ARHGAP28: variants seen among roughly 807,000 people sequenced by gnomAD.
ARHGAP28 encodes rho GTPase-activating protein 28.
In ARHGAP28, 56 loss-of-function variants were observed where a neutral mutation model predicts 90.7. The observed-to-expected ratio is 0.62, with a 90% CI of 0.50 to 0.77. The LOEUF is 0.77. Ranked by LOEUF, ARHGAP28 falls within the 30% of genes least tolerant of loss-of-function variation. The pLI is 0.00. For synonymous variants in ARHGAP28, 308 were observed against 323.3 expected, an observed-to-expected ratio of 0.95 and a Z score of 0.51; for missense variants, 869 against 900.9, an observed-to-expected ratio of 0.96 and a Z score of 0.45.
chr18:6,775,732 GA>G (rs973218060), intron 1 of ARHGAP28, among the ~76,000 whole-genome samples: 6 of 152,106 alleles, frequency 3.9e-5, no homozygotes, highest in African/African-American at 1.4e-4. Context: ...ATTATATTTA[GA>G]AATTGTTTCA....
chr18:6,829,980 G>A (rs1214324555), intron 2 of ARHGAP28, among the ~76,000 whole-genome samples: 3 of 152,096 alleles, frequency 2.0e-5, no homozygotes, highest in Non-Finnish European at 4.4e-5. Context: ...GGTGTTGCTG[G>A]CAATCCTTGG....
chr18:6,746,406 G>T (rs2056023960), intron 1 of ARHGAP28, among the ~76,000 whole-genome samples: 1 of 152,178 alleles, frequency 6.6e-6, no homozygotes. Flanking sequence ...AGGGTTGATT[G>T]TGTTCTGATA....
At chr18:6,740,699 T>A (rs1018445675) in intron 1 of ARHGAP28, among the ~76,000 whole-genome samples, 2 of 152,226 alleles carry the variant, frequency 1.3e-5, no homozygotes, top group Non-Finnish European at 2.9e-5. Context: ...TTTAGGAGTG[T>A]CTTCTCATTA....
At chr18:6,745,791 A>G (rs2143215429) in intron 1 of ARHGAP28, among the ~76,000 whole-genome samples, 1 of 152,360 alleles carries the variant, frequency 6.6e-6, no homozygotes, top group East Asian at 1.9e-4. Context: ...TAGAAGCCTG[A>G]AAGTGCCAAT....
intron 1 of ARHGAP28, among the ~76,000 whole-genome samples, chr18:6,810,704 C>G (rs1281901697): frequency 6.6e-6 from 1 of 151,976 alleles, no homozygotes; most frequent in Non-Finnish European, 1.5e-5. Flanking sequence ...GTAGGAAAAG[C>G]TTTGGGGAGA....
Position 6,912,371 on chromosome 18 carries a change from A to G in ARHGAP28, c.*217A>G. 1 of 335,968 alleles carries G rather than the reference A, an allele frequency of 3.0e-6. No homozygotes were observed. The highest frequency in any genetic ancestry group is 5.5e-6 in the Non-Finnish European group (1 of 182,952). 20.8% of individuals were successfully genotyped at this position (335,968 alleles called of 1,614,324 possible). ...CATGACTTTTTTTTTTATAAAAGTA[A>G]AGGAAAGATGATGTGGTCCTTCCAG... On this transcript the variant is annotated 3_prime_UTR_variant, in exon 18 of 18. Transcript: ENST00000383472.
intron 16 of ARHGAP28, among the ~76,000 whole-genome samples, chr18:6,901,014 C>T (rs1359504931): frequency 1.3e-5 from 2 of 152,178 alleles, no homozygotes; most frequent in Admixed American, 6.5e-5. Context: ...AAGGAAAGAA[C>T]TGTCAACTGT....
chr18:6,812,993 C>T (rs1261729676), intron 1 of ARHGAP28, among the ~76,000 whole-genome samples: 1 of 152,158 alleles, frequency 6.6e-6, no homozygotes, highest in African/African-American at 2.4e-5. Context: ...TTTCAGTAAA[C>T]TGGAGAGGGT....
Position 6,914,949 on chromosome 18 carries a change from T to C in ARHGAP28, c.*2795T>C, listed in dbSNP as rs964627537. The C allele has an allele frequency of 6.6e-6, 1 of 152,586 alleles. No individual in the cohort carries two copies. Among genetic ancestry groups the C allele is most frequent in the African/African-American group, 2.4e-5 (1 of 41,428 alleles). 9.5% of individuals were successfully genotyped at this position (152,586 alleles called of 1,614,324 possible). On this transcript the variant is annotated 3_prime_UTR_variant, in exon 18 of 18. Coordinates refer to ENST00000383472, the MANE Select transcript of ARHGAP28 (RefSeq NM_001366230.1). ...AACTATTTACAACGTCTATACAGTA[T>C]AAACTACCTCACTTGCCTTTCTTGG...
chr18:6,882,305 TG>T lies in ARHGAP28; in HGVS notation c.1453+8del. The T allele has an allele frequency of 6.2e-7, 1 of 1,609,182 alleles. No homozygotes were observed. The highest frequency in any genetic ancestry group is 8.5e-7 in the Non-Finnish European group (1 of 1,178,254). Reference sequence around the variant, plus strand: ...CTTCATCAGTCTAATGGAAAGTAGGTGGAAGACGTTATATGTGAATACGCTA... The same window carrying T: ...CTTCATCAGTCTAATGGAAAGTAGGTGAAGACGTTATATGTGAATACGCTA... On this transcript the variant is annotated splice_region_variant and intron_variant, in intron 11 of 17. Transcript: ENST00000383472.
At chr18:6,849,636 C>A (rs751394435) in intron 3 of ARHGAP28, among the ~76,000 whole-genome samples, 1 of 152,160 alleles carries the variant, frequency 6.6e-6, no homozygotes, top group African/African-American at 2.4e-5. Flanking sequence ...GGCCCTAAAT[C>A]GGTTTCCTAC....
intron 14 of ARHGAP28, 41 bp from the exon 15 acceptor site, chr18:6,894,794 T>A (rs1371527965): frequency 6.3e-7 from 1 of 1,582,460 alleles, no homozygotes; most frequent in Non-Finnish European, 8.7e-7. Context: ...AACATATGCT[T>A]GTTTTCTCAA....
At chr18:6,749,351 A>T (rs990511576) in intron 1 of ARHGAP28, among the ~76,000 whole-genome samples, 2 of 152,216 alleles carry the variant, frequency 1.3e-5, no homozygotes, top group African/African-American at 4.8e-5. Flanking sequence ...GTTTGACAAA[A>T]TGCTGGACTG....
chr18:6,862,310 A>T (rs762969801), intron 5 of ARHGAP28, among the ~76,000 whole-genome samples: 1 of 152,136 alleles, frequency 6.6e-6, no homozygotes, highest in Non-Finnish European at 1.5e-5. Flanking sequence ...CACCTGTAAA[A>T]ATAAACCTCT....
chr18:6,826,392 C>A lies in ARHGAP28; in HGVS notation c.325+1428C>A, dbSNP rs2056663316. ...CTGGATATTAGACCTCTGTCAGATG[C>A]ATAGTTTGTGAATATTTTCTCCCAT... On this transcript the variant is annotated intron_variant, in intron 2 of 17. Transcript: ENST00000383472. Among the ~76,000 whole-genome samples, 4 of 151,514 alleles carry A rather than the reference C, an allele frequency of 2.6e-5. No homozygotes were observed. In the South Asian group the frequency reaches 8.3e-4, roughly 31 times the overall value.
chr18:6,744,048 G>A (rs2056001503), intron 1 of ARHGAP28, among the ~76,000 whole-genome samples: 2 of 152,056 alleles, frequency 1.3e-5, no homozygotes, highest in Non-Finnish European at 2.9e-5. Context: ...GAAAAAAAAA[G>A]CATAAGATAC....
At chr18:6,827,535 C>CG (rs1373655165) in intron 2 of ARHGAP28, among the ~76,000 whole-genome samples, 1 of 136,112 alleles carries the variant, frequency 7.3e-6, no homozygotes, top group Non-Finnish European at 1.6e-5. Context: ...GCTGACCGGG[C>CG]GGGGGGCTGA....
intron 1 of ARHGAP28, among the ~76,000 whole-genome samples, chr18:6,760,172 C>G (rs2056147354): frequency 6.6e-6 from 1 of 152,130 alleles, no homozygotes; most frequent in Non-Finnish European, 1.5e-5. Flanking sequence ...TAGGTTTTTT[C>G]CGCTTTAGAA....
At chr18:6,759,688 T>C (rs572768107) in intron 1 of ARHGAP28, among the ~76,000 whole-genome samples, 1 of 152,360 alleles carries the variant, frequency 6.6e-6, no homozygotes, top group South Asian at 2.1e-4. Context: ...TAGCTAAAAT[T>C]GGAACACTTT....
Sources: allele counts gnomAD v4.1 joint callset (sites outside exome capture counted in the v4.1 genomes callset), GRCh38; gene constraint gnomAD v4.1.1; transcripts MANE v1.5; gene names NCBI Gene and HGNC (gene_info 2026-07-23, HGNC 2026-07-21).